Variants in CLSTN1 observed in about 807,000 individuals in gnomAD.
CLSTN1 encodes calsyntenin-1.
A neutral mutation model predicts 108.3 loss-of-function variants in CLSTN1; 28 were observed. The ratio of observed to expected loss-of-function variants is 0.26; its 90% CI spans 0.19 to 0.35. The LOEUF is 0.35. Ranked by LOEUF, CLSTN1 falls within the 10% of genes least tolerant of loss-of-function variation. CLSTN1 has a pLI of 1.00. For missense variants in CLSTN1, 1,157 were observed against 1,302.6 expected (o/e 0.89, Z 1.72); for synonymous variants, 524 against 534.9 (o/e 0.98, Z 0.28).
chr1:9,817,706 T>A (rs1436979721), intron 1 of CLSTN1, among the ~76,000 whole-genome samples: 1 of 152,228 alleles, frequency 6.6e-6, no homozygotes, highest in African/African-American at 2.4e-5. Context: ...GCCAAGAATC[T>A]TTAAAAATAA....
At chr1:9,760,675 C>G (rs945498197) in intron 2 of CLSTN1, among the ~76,000 whole-genome samples, 2 of 149,688 alleles carry the variant, frequency 1.3e-5, no homozygotes, top group Non-Finnish European at 1.5e-5. Context: ...GCATGCCACC[C>G]ATTCCCGGGT....
intron 1 of CLSTN1, among the ~76,000 whole-genome samples, chr1:9,792,725 C>G (rs1295430709): frequency 1.3e-5 from 2 of 151,372 alleles, no homozygotes; most frequent in African/African-American, 4.8e-5. Flanking sequence ...GAAACAAGAG[C>G]ACGTTTGCAG....
chr1:9,744,374 C>A, intron 8 of CLSTN1, 21 bp downstream of exon 8: 1 of 1,591,038 alleles, frequency 6.3e-7, no homozygotes. Flanking sequence ...CCTGGCATCG[C>A]TTGCAGAGCT....
chr1:9,761,612 G>A (rs539522848), intron 2 of CLSTN1, among the ~76,000 whole-genome samples: 20 of 152,162 alleles, frequency 1.3e-4, no homozygotes, highest in African/African-American at 4.1e-4. Flanking sequence ...CCAAAGTCAC[G>A]TGCAGGGTTC....
At position 9,735,496 on chromosome 1, in the gene CLSTN1, A is replaced by G. The variant is rs1650635132; in HGVS notation, c.1854T>C (p.Ile618=). The part of the protein sequence containing the change: ...LNSRQFPTPG[I]RRLKITSTIK... ...TTGTGCTGGTGATTTTGAGTCTGCG[A>G]ATTCCGGGCGTGGGGAACTGCCGGG... The change falls in exon 13 of 19, where the codon ATT becomes ATC. Residue 618 remains isoleucine, a synonymous_variant. Coordinates refer to ENST00000377298, the MANE Select transcript of CLSTN1 (RefSeq NM_001009566.3). 6.2e-7 allele frequency: 1 copy of G among 1,614,066 alleles called. No homozygotes were observed. Among genetic ancestry groups the G allele is most frequent in the Admixed American group, 1.7e-5 (1 of 59,990 alleles).
At chr1:9,821,595 G>A (rs1227893404) in intron 1 of CLSTN1, among the ~76,000 whole-genome samples, 4 of 152,174 alleles carry the variant, frequency 2.6e-5, no homozygotes, top group Non-Finnish European at 5.9e-5. Flanking sequence ...GCTACAGCAT[G>A]AACAGGAGTT....
In CLSTN1 at chr1:9,744,426, C is replaced by A. The variant is rs1651144195; in HGVS notation, c.1203G>T (p.Lys401Asn). ...TATCAGAACTGCAAAGAATTGTCTC[C>A]TTCTTCCTGCCGAATGGCCCATGTC... ...WMRHGPFGRK[K>N]ETILCSSDKT... Residue 401 changes from lysine (K) to asparagine (N), a missense_variant, in exon 8 of 19, where the codon AAG becomes AAT. Transcript: ENST00000377298. 6.2e-7 allele frequency: 1 copy of A among 1,610,368 alleles called. No homozygotes were observed. The highest frequency in any genetic ancestry group is 1.3e-5 in the African/African-American group (1 of 74,922).
intron 11 of CLSTN1, among the ~76,000 whole-genome samples, chr1:9,736,296 G>A (rs1650688347): frequency 6.6e-6 from 1 of 152,076 alleles, no homozygotes; most frequent in South Asian, 2.1e-4. Context: ...GTCCCCTGAG[G>A]GTCCCCACAC....
At chr1:9,744,801 T>C (rs567123010) in intron 7 of CLSTN1, among the ~76,000 whole-genome samples, 158 bp from the exon 8 acceptor site, 2 of 152,190 alleles carry the variant, frequency 1.3e-5, no homozygotes, top group African/African-American at 4.8e-5. Context: ...GTCCCCAGGC[T>C]GGAGTACAGT....
At chr1:9,754,233 T>C (rs965073454) in intron 4 of CLSTN1, among the ~76,000 whole-genome samples, 1 of 152,090 alleles carries the variant, frequency 6.6e-6, no homozygotes, top group Non-Finnish European at 1.5e-5. Flanking sequence ...TTTAATAGAG[T>C]ATTTGGTGTG....
chr1:9,824,090 C>A (rs1192651681), upstream of CLSTN1: 1 of 133,776 alleles, frequency 7.5e-6, no homozygotes, highest in Non-Finnish European at 1.6e-5. The surrounding 1 kb of genome is among the most constrained non-coding windows in gnomAD (Gnocchi z 5.0). Flanking sequence ...CGCGCGGGCC[C>A]GGGAGGGGCG....
At chr1:9,752,984 G>A (rs753913131) in intron 4 of CLSTN1, among the ~76,000 whole-genome samples, 1 of 152,182 alleles carries the variant, frequency 6.6e-6, no homozygotes, top group Non-Finnish European at 1.5e-5. Context: ...CTCTAGAAAA[G>A]ACTAGAGCTT....
intron 7 of CLSTN1, among the ~76,000 whole-genome samples, chr1:9,746,747 C>A (rs892913245): frequency 1.3e-5 from 2 of 151,504 alleles, no homozygotes; most frequent in Non-Finnish European, 2.9e-5. Flanking sequence ...CACACTAGAA[C>A]CTCAGCTCCT....
intron 1 of CLSTN1, among the ~76,000 whole-genome samples, chr1:9,785,668 T>C (rs1168140422): frequency 3.3e-5 from 5 of 151,780 alleles, no homozygotes; most frequent in Non-Finnish European, 7.4e-5. Context: ...TCCTCCTCCC[T>C]CCTCCCTTGA....
At chr1:9,755,416 T>C (rs2101117505) in intron 3 of CLSTN1, 107 bp from the exon 4 acceptor site, 1 of 977,978 alleles carries the variant, frequency 1.0e-6, no homozygotes, top group South Asian at 1.6e-5. Flanking sequence ...GACAACAATT[T>C]GGCAGCCAGG....
Position 9,756,481 on chromosome 1 carries a change from CTT to C in CLSTN1, c.242_243del (p.Glu81GlyfsTer2), listed in dbSNP as rs1487969073. 3.1e-6 allele frequency: 5 copies of C among 1,611,994 alleles called. No homozygotes were observed. Among genetic ancestry groups the C allele is most frequent in the Non-Finnish European group, 3.4e-6 (4 of 1,178,330 alleles). On this transcript the variant is annotated frameshift_variant and splice_region_variant, in exon 3 of 19. Coordinates refer to ENST00000377298, the MANE Select transcript of CLSTN1 (RefSeq NM_001009566.3). LOFTEE classifies it high-confidence loss of function. Reference protein sequence around the residue: ...AESFEVTVTKEGEICGFKIHG... With the variant: ...AESFEVTVTKXGEICGFKIHG... Reference sequence around the variant, plus strand: ...AGGGGAAGAAAGAACCCTTTATCACCTTCTTTGGTGACTGTCACCTCAAAACT... The same window carrying C: ...AGGGGAAGAAAGAACCCTTTATCACCCTTTGGTGACTGTCACCTCAAAACT...
intron 1 of CLSTN1, among the ~76,000 whole-genome samples, chr1:9,799,802 G>A (rs60124750): frequency 6.7e-4 from 101 of 151,258 alleles, no homozygotes; most frequent in African/African-American, 2.3e-3. Flanking sequence ...TTAGCTGGGC[G>A]TGCTGGTGGG....
intron 1 of CLSTN1, among the ~76,000 whole-genome samples, chr1:9,791,382 C>A (rs1174323626): frequency 2.0e-5 from 3 of 151,176 alleles, no homozygotes; most frequent in African/African-American, 7.2e-5. Context: ...AGCTGGGGAG[C>A]CACCATGTCC....
chr1:9,740,548 G>T (rs963003641), intron 10 of CLSTN1, among the ~76,000 whole-genome samples: 2 of 152,184 alleles, frequency 1.3e-5, no homozygotes, highest in Admixed American at 1.3e-4. Context: ...CAGGTAAGAA[G>T]CACTGGTGCT....
Sources: allele counts gnomAD v4.1 joint callset (sites outside exome capture counted in the v4.1 genomes callset), GRCh38; gene constraint gnomAD v4.1.1; non-coding constraint Gnocchi (gnomAD v3.1); transcripts MANE v1.5; gene names NCBI Gene and HGNC (gene_info 2026-07-23, HGNC 2026-07-21).